CNTNAP2: variants seen among roughly 807,000 people sequenced by gnomAD.
CNTNAP2 encodes the protein contactin associated protein 2.
CNTNAP2 carries 98 observed loss-of-function variants against 155.2 expected under a neutral mutation model. The ratio of observed to expected loss-of-function variants is 0.63; its 90% CI spans 0.54 to 0.75. The LOEUF is 0.75. CNTNAP2 is among the 30% of genes least tolerant of loss of function. The pLI is 0.00. For synonymous variants in CNTNAP2, 651 were observed against 631.2 expected (o/e 1.03, Z -0.47); for missense variants, 1,727 against 1,688.1 (o/e 1.02, Z -0.40).
chr7:147,936,653 T>TC (rs1800615075), intron 14 of CNTNAP2, among the ~76,000 whole-genome samples: 1 of 152,190 alleles, frequency 6.6e-6, no homozygotes, highest in Admixed American at 6.5e-5. Context: ...CTTTTTCTCC[T>TC]CTTTCTTCAA....
intron 12 of CNTNAP2, among the ~76,000 whole-genome samples, chr7:147,636,791 G>A (rs1328135563): frequency 2.6e-5 from 4 of 152,176 alleles, no homozygotes; most frequent in African/African-American, 9.6e-5. Context: ...AATGTGGGGG[G>A]ACAGACTTTA....
chr7:146,181,358 T>C (rs1798546136), intron 1 of CNTNAP2, among the ~76,000 whole-genome samples: 1 of 152,150 alleles, frequency 6.6e-6, no homozygotes, highest in Non-Finnish European at 1.5e-5. Flanking sequence ...TTAGCTTTCT[T>C]ATCAGTAACA....
chr7:146,427,731 T>C (rs1048917169), intron 1 of CNTNAP2, among the ~76,000 whole-genome samples: 1 of 152,218 alleles, frequency 6.6e-6, no homozygotes, highest in Non-Finnish European at 1.5e-5. Context: ...ATGTATCTTT[T>C]TTAAAAAACT....
At chr7:146,394,425 C>G (rs1795590329) in intron 1 of CNTNAP2, among the ~76,000 whole-genome samples, 1 of 152,082 alleles carries the variant, frequency 6.6e-6, no homozygotes, top group East Asian at 1.9e-4. Flanking sequence ...TTACTCAAGC[C>G]AGAGCACAAG....
chr7:146,885,759 T>C (rs1795643702), intron 3 of CNTNAP2, among the ~76,000 whole-genome samples: 1 of 152,186 alleles, frequency 6.6e-6, no homozygotes, highest in South Asian at 2.1e-4. Context: ...CCGTATTGTC[T>C]TGGAGTGTGC....
In CNTNAP2 at chr7:146,622,161, A is replaced by G. The variant is rs1422520932; in HGVS notation, c.98-152110A>G. On this transcript the variant is annotated intron_variant, in intron 1 of 23. Transcript: ENST00000361727. ...TATATATACACACACGTATATATAT[A>G]TACACACACGTATATATATACACAT... Among the ~76,000 whole-genome samples, 7 of 151,260 alleles carry G rather than the reference A, an allele frequency of 4.6e-5. No homozygotes were observed. The Admixed American group carries it at 4.6e-4, about 10-fold the overall frequency.
At chr7:148,198,352 G>A (rs959839179) in intron 18 of CNTNAP2, among the ~76,000 whole-genome samples, 6 of 152,204 alleles carry the variant, frequency 3.9e-5, no homozygotes, top group Non-Finnish European at 5.9e-5. Flanking sequence ...GGTTGATGGC[G>A]ATTGTGACCA....
chr7:147,913,873 A>G (rs1440120042), intron 14 of CNTNAP2, among the ~76,000 whole-genome samples: 1 of 152,206 alleles, frequency 6.6e-6, no homozygotes, highest in African/African-American at 2.4e-5. Context: ...GGGACTGGAA[A>G]CATAACCTTT....
At chr7:148,316,349 T>A (rs112242238) in intron 21 of CNTNAP2, among the ~76,000 whole-genome samples, 10 of 149,250 alleles carry the variant, frequency 6.7e-5, no homozygotes, top group African/African-American at 2.0e-4. Flanking sequence ...AAAAATATAT[T>A]AAAAAAAAAA....
intron 1 of CNTNAP2, among the ~76,000 whole-genome samples, chr7:146,699,294 A>T (rs758285831): frequency 6.6e-6 from 1 of 152,182 alleles, no homozygotes; most frequent in Non-Finnish European, 1.5e-5. Context: ...TGTGACAGAG[A>T]CTAAAATGTT....
chr7:147,778,109 A>G (rs555710991), intron 13 of CNTNAP2, among the ~76,000 whole-genome samples: 2 of 152,304 alleles, frequency 1.3e-5, no homozygotes, highest in African/African-American at 4.8e-5. Flanking sequence ...CACCTGACTC[A>G]TGCTTCGGCA....
intron 9 of CNTNAP2, among the ~76,000 whole-genome samples, chr7:147,320,890 G>A (rs1278240626): frequency 6.6e-6 from 1 of 152,162 alleles, no homozygotes; most frequent in Non-Finnish European, 1.5e-5. Context: ...ACCTCCTGCT[G>A]ATACAAATTA....
intron 10 of CNTNAP2, among the ~76,000 whole-genome samples, chr7:147,446,657 T>G (rs1455430053): frequency 6.6e-6 from 1 of 152,216 alleles, no homozygotes; most frequent in African/African-American, 2.4e-5. Flanking sequence ...ACTGTTTACA[T>G]TATTGAATTA....
At chr7:147,721,526 G>A (rs756403348) in intron 13 of CNTNAP2, among the ~76,000 whole-genome samples, 43 of 151,944 alleles carry the variant, frequency 2.8e-4, no homozygotes, top group Non-Finnish European at 4.6e-4. Flanking sequence ...TGTCCTCCAG[G>A]CTGACATTTA....
intron 1 of CNTNAP2, among the ~76,000 whole-genome samples, chr7:146,351,365 T>G (rs1461624477): frequency 6.6e-6 from 1 of 151,974 alleles, no homozygotes; most frequent in Non-Finnish European, 1.5e-5. Flanking sequence ...GGTTACCAAG[T>G]GTACATCAGT....
intron 1 of CNTNAP2, among the ~76,000 whole-genome samples, chr7:146,344,905 A>G (rs1006089128): frequency 5.9e-5 from 9 of 152,246 alleles, no homozygotes; most frequent in Non-Finnish European, 1.3e-4. Context: ...ATTAATACCC[A>G]TGACTAGAGA....
At chr7:147,223,280 A>T (rs767572194) in intron 8 of CNTNAP2, among the ~76,000 whole-genome samples, 2 of 152,176 alleles carry the variant, frequency 1.3e-5, no homozygotes, top group Non-Finnish European at 2.9e-5. Flanking sequence ...CACCCACTGC[A>T]CTTTGGGTGC....
intron 8 of CNTNAP2, among the ~76,000 whole-genome samples, chr7:147,168,007 T>A (rs1802149571): frequency 6.7e-6 from 1 of 149,214 alleles, no homozygotes; most frequent in African/African-American, 2.4e-5. Flanking sequence ...TACATGCATA[T>A]ATATACATAT....
chr7:146,257,403 A>G (rs1799856580), intron 1 of CNTNAP2, among the ~76,000 whole-genome samples: 1 of 152,108 alleles, frequency 6.6e-6, no homozygotes, highest in Non-Finnish European at 1.5e-5. Context: ...CAGTAAGGCA[A>G]TACCTTCTGC....
Sources: gnomAD v4.1 joint callset for allele counts (sites outside exome capture counted in the v4.1 genomes callset) on GRCh38, gnomAD v4.1.1 for gene constraint, MANE v1.5 for transcripts, NCBI Gene and HGNC (gene_info 2026-07-23, HGNC 2026-07-21) for gene names.